The following MTMR9 variants were observed in gnomAD, a reference collection of about 807,000 sequenced individuals.
MTMR9 encodes myotubularin-related protein 9.
A neutral mutation model predicts 69.5 loss-of-function variants in MTMR9; 39 were observed. The ratio of observed to expected loss-of-function variants is 0.56; its 90% CI spans 0.43 to 0.73. MTMR9 has a LOEUF of 0.73. MTMR9 is among the 30% of genes least tolerant of loss of function. MTMR9 has a pLI of 0.00. For synonymous variants in MTMR9, 354 were observed against 240.8 expected (o/e 1.47, Z -4.35); for missense variants, 900 against 671.2 (o/e 1.34, Z -3.77).
In MTMR9 at chr8:11,298,782, A is replaced by T. The variant is rs150175348; in HGVS notation, c.292-1241A>T. On this transcript the variant is annotated intron_variant, in intron 2 of 9. Coordinates refer to ENST00000221086, the MANE Select transcript of MTMR9 (RefSeq NM_015458.4). ...CCATAATCCCCCTGTGAGAAGGATG[A>T]ATCTGCCTAGTGATAGAGACTTTCC... 7.3e-5 allele frequency: 71 copies of T among 973,664 alleles called. 1 individual carries two copies. In the South Asian group the frequency reaches 1.6e-3, roughly 22 times the overall value. 60.3% of individuals were successfully genotyped at this position (973,664 alleles called of 1,614,324 possible).
chr8:11,330,572 G>T (rs947023234), downstream of MTMR9, among the ~76,000 whole-genome samples: 12 of 152,142 alleles, frequency 7.9e-5, no homozygotes, highest in Non-Finnish European at 1.0e-4. Flanking sequence ...TTCTGTACTG[G>T]GAGGGGTTCT....
At chr8:11,308,098 T>C (rs932745376) in intron 5 of MTMR9, among the ~76,000 whole-genome samples, 11 of 152,204 alleles carry the variant, frequency 7.2e-5, no homozygotes, top group African/African-American at 2.4e-4. Context: ...TGAGGTCATA[T>C]CCAAAATAAC....
At chr8:11,328,915 A>G (rs546035746), downstream of MTMR9, among the ~76,000 whole-genome samples, 62 of 152,352 alleles carry the variant, frequency 4.1e-4, no homozygotes, top group African/African-American at 1.1e-3. Context: ...ATAGTTTAAA[A>G]TCTTACATTT....
At chr8:11,333,444 T>A in the MTMR9 span, among the ~76,000 whole-genome samples, 3 of 152,182 alleles carry the variant, frequency 2.0e-5, no homozygotes, top group African/African-American at 7.2e-5. Context: ...AAGACATGCC[T>A]AGATTTTTAA....
intron 5 of MTMR9, 79 bp downstream of exon 5, chr8:11,306,486 C>A: frequency 7.9e-7 from 1 of 1,270,542 alleles, no homozygotes; most frequent in South Asian, 1.3e-5. Flanking sequence ...TTGAAAATCA[C>A]AAGTGCTCAA....
At chr8:11,300,822 A>G (rs2117389681) in intron 3 of MTMR9, 1 of 152,382 alleles carries the variant, frequency 6.6e-6, no homozygotes, top group Admixed American at 6.5e-5. Flanking sequence ...AGAAGTTGCA[A>G]GAGATCTAAA....
chr8:11,304,367 A>G (rs996314308), intron 3 of MTMR9, among the ~76,000 whole-genome samples: 18 of 152,222 alleles, frequency 1.2e-4, no homozygotes, highest in African/African-American at 4.3e-4. Flanking sequence ...TTGTGCTTTA[A>G]GAGGATCATT....
chr8:11,336,227 T>G, the MTMR9 span, among the ~76,000 whole-genome samples: 61,826 of 152,030 alleles, frequency 0.41, 14,172 homozygotes, highest in East Asian at 0.74. Flanking sequence ...GTAGCCAGAT[T>G]GGTCTTGCCC....
At chr8:11,316,961 A>C (rs1308594147) in intron 8 of MTMR9, 68 bp downstream of exon 8, 1 of 1,039,556 alleles carries the variant, frequency 9.6e-7, no homozygotes, top group African/African-American at 1.6e-5. Flanking sequence ...AGTAGCCAGA[A>C]TCTCCTAGGA....
At chr8:11,331,443 C>T (rs142526826), downstream of MTMR9, 25 of 1,613,924 alleles carry the variant, frequency 1.5e-5, no homozygotes, top group African/African-American at 3.2e-4. Flanking sequence ...GCTCAACGTC[C>T]TCAGCATTGG....
chr8:11,320,637 G>T (rs1279524023), intron 9 of MTMR9: 1 of 152,232 alleles, frequency 6.6e-6, no homozygotes, highest in Non-Finnish European at 1.5e-5. Flanking sequence ...GGAGGCTGAG[G>T]CAGGAGAATC....
In MTMR9 at chr8:11,319,681, G is replaced by T. The variant is rs1585134896; in HGVS notation, c.1335-6G>T. 3 of 1,613,238 alleles carry T rather than the reference G, an allele frequency of 1.9e-6. No homozygotes were observed. In the East Asian group the frequency reaches 6.7e-5, roughly 36 times the overall value. On this transcript the variant is annotated splice_region_variant and splice_polypyrimidine_tract_variant and intron_variant, in intron 8 of 9. Coordinates refer to ENST00000221086, the MANE Select transcript of MTMR9 (RefSeq NM_015458.4). Reference sequence around the variant, plus strand: ...TACTTTAATGGCAGTGTTCTTTCTTGATCAGATGTAAGTTGAAGCTACAGC... The same window carrying T: ...TACTTTAATGGCAGTGTTCTTTCTTTATCAGATGTAAGTTGAAGCTACAGC...
chr8:11,284,900 G>A lies in MTMR9; in HGVS notation c.12G>A (p.Ala4=), dbSNP rs1799086106. The A allele has an allele frequency of 6.2e-7, 1 of 1,605,726 alleles. No homozygotes were observed. Among genetic ancestry groups the A allele is most frequent in the Non-Finnish European group, 8.5e-7 (1 of 1,176,150 alleles). MEF[A]ELIKTPRVDN... is the part of the protein sequence containing the mutation. Reference sequence around the variant, plus strand: ...GGCCGCGGGGGAGCATGGAGTTTGCGGAGCTGATTAAGACCCCGCGGGTGG... The same window carrying A: ...GGCCGCGGGGGAGCATGGAGTTTGCAGAGCTGATTAAGACCCCGCGGGTGG... Residue 4 remains alanine (A), a synonymous_variant, in exon 1 of 10, where the codon GCG becomes GCA. Transcript: ENST00000221086.
At chr8:11,310,845 A>C (rs1485166217) in intron 6 of MTMR9, among the ~76,000 whole-genome samples, 2 of 152,102 alleles carry the variant, frequency 1.3e-5, no homozygotes, top group Admixed American at 1.3e-4. Context: ...CAGCATGATG[A>C]TACAGATTAA....
chr8:11,319,528 T>TAGAAAAA, intron 8 of MTMR9, 159 bp from the exon 9 acceptor site: 1 of 717,290 alleles, frequency 1.4e-6, no homozygotes, highest in Non-Finnish European at 2.3e-6. Context: ...GATTGAGCTT[T>TAGAAAAA]TTGACAAATC....
At chr8:11,334,346 G>A in the MTMR9 span, among the ~76,000 whole-genome samples, 1 of 152,194 alleles carries the variant, frequency 6.6e-6, no homozygotes, top group Non-Finnish European at 1.5e-5. Context: ...AGCACTCAAT[G>A]TATAAAGATT....
chr8:11,285,930 T>A (rs1216588262), intron 1 of MTMR9, among the ~76,000 whole-genome samples: 1 of 150,490 alleles, frequency 6.6e-6, no homozygotes, highest in African/African-American at 2.4e-5. Flanking sequence ...CTTAAAATAA[T>A]AATCTCTTTC....
intron 1 of MTMR9, among the ~76,000 whole-genome samples, chr8:11,289,154 C>CA (rs1799291937): frequency 6.6e-6 from 1 of 152,122 alleles, no homozygotes; most frequent in Non-Finnish European, 1.5e-5. Flanking sequence ...CCTGGGGTGA[C>CA]AGAGTGAGTC....
intron 6 of MTMR9, among the ~76,000 whole-genome samples, chr8:11,313,415 T>C (rs939798639): frequency 1.3e-5 from 2 of 152,260 alleles, no homozygotes; most frequent in African/African-American, 4.8e-5. Context: ...AGAAGCACTT[T>C]TAATTTCCAT....
Sources: allele counts gnomAD v4.1 joint callset (sites outside exome capture counted in the v4.1 genomes callset), GRCh38; gene constraint gnomAD v4.1.1; transcripts MANE v1.5; gene names NCBI Gene and HGNC (gene_info 2026-07-23, HGNC 2026-07-21).